IDE: variants seen among roughly 807,000 people sequenced by gnomAD.
The protein encoded by IDE is insulin degrading enzyme.
IDE carries 58 observed loss-of-function variants against 133.2 expected under a neutral mutation model. The ratio of observed to expected loss-of-function variants is 0.44; its 90% CI spans 0.35 to 0.54. The LOEUF is 0.54. Ranked by LOEUF, IDE falls within the 20% of genes least tolerant of loss-of-function variation. The pLI is 0.00. For missense variants in IDE, 981 were observed against 1,234.0 expected, an observed-to-expected ratio of 0.79 and a Z score of 3.07; for synonymous variants, 396 against 421.3, an observed-to-expected ratio of 0.94 and a Z score of 0.73.
chr10:92,530,783 T>TAATTTTTGA (rs1849881743), intron 4 of IDE, among the ~76,000 whole-genome samples: 3 of 152,230 alleles, frequency 2.0e-5, no homozygotes, highest in African/African-American at 7.2e-5. Context: ...CTTCAAAGTA[T>TAATTTTTGA]AATTTTTGAA....
At chr10:92,473,729 C>A (rs1220214123) in intron 17 of IDE, among the ~76,000 whole-genome samples, 3 of 151,930 alleles carry the variant, frequency 2.0e-5, no homozygotes, top group Non-Finnish European at 4.4e-5. Context: ...GCCTGTAATC[C>A]CAGCATGCTG....
intron 8 of IDE, 119 bp downstream of exon 8, chr10:92,507,994 T>C (rs1304796438): frequency 1.3e-6 from 1 of 745,880 alleles, no homozygotes; most frequent in Non-Finnish European, 2.3e-6. Context: ...AATGGATAAG[T>C]TGTATGAATT....
chr10:92,510,377 C>T (rs1459599237), intron 5 of IDE, among the ~76,000 whole-genome samples: 1 of 151,882 alleles, frequency 6.6e-6, no homozygotes, highest in Non-Finnish European at 1.5e-5. Context: ...AAAATTAAAA[C>T]AAATATTAGA....
At chr10:92,553,651 CA>C (rs747401930) in intron 1 of IDE, among the ~76,000 whole-genome samples, 1 of 151,956 alleles carries the variant, frequency 6.6e-6, no homozygotes, top group Non-Finnish European at 1.5e-5. Flanking sequence ...AAAAAGGAGA[CA>C]TTACAACTGA....
At chr10:92,529,194 C>A in intron 4 of IDE, among the ~76,000 whole-genome samples, 1 of 152,174 alleles carries the variant, frequency 6.6e-6, no homozygotes, top group Admixed American at 6.6e-5. Flanking sequence ...GAATTTCTGA[C>A]AAGGAACCTA....
At chr10:92,539,071 C>T (rs967261854) in intron 1 of IDE, among the ~76,000 whole-genome samples, 2 of 152,134 alleles carry the variant, frequency 1.3e-5, no homozygotes, top group Non-Finnish European at 2.9e-5. Context: ...ATCTAGTTTG[C>T]TTTCACCATT....
chr10:92,490,374 T>G, intron 12 of IDE, 119 bp downstream of exon 12: 1 of 712,512 alleles, frequency 1.4e-6, no homozygotes, highest in Non-Finnish European at 2.5e-6. Flanking sequence ...CTTAGGATGG[T>G]ACAGATAACA....
At chr10:92,527,661 C>G (rs1055663494) in intron 4 of IDE, among the ~76,000 whole-genome samples, 2 of 152,152 alleles carry the variant, frequency 1.3e-5, no homozygotes, top group African/African-American at 4.8e-5. Context: ...TATTTTACAG[C>G]TTTGTTAAAT....
intron 5 of IDE, among the ~76,000 whole-genome samples, chr10:92,510,828 G>GCACATACATATCACATATATGATATATAT (rs1848576482): frequency 4.1e-5 from 6 of 147,120 alleles, no homozygotes; most frequent in Admixed American, 3.4e-4. Flanking sequence ...ATGATATATA[G>GCACATACATATCACATATATGATATATAT]CACATACATA....
At position 92,475,048 on chromosome 10, in the gene IDE, T is replaced by C. The variant is rs1018889091; in HGVS notation, c.1996-87A>G. 4.1e-6 allele frequency: 4 copies of C among 972,942 alleles called. No individual in the cohort carries two copies. In the Admixed American group the frequency reaches 7.7e-5, roughly 19 times the overall value. The allele number at this position is 972,942 out of a possible 1,614,324, so 60.3% of individuals were successfully genotyped here. A position where few individuals can be genotyped will look rare whatever the true frequency, so the allele number is the denominator to read the frequency against. On this transcript the variant is annotated intron_variant, in intron 16 of 24. Transcript: ENST00000265986. ...CAGTTATAATCAAATTTCAATTCTC[T>C]ATAAACTGTATTACTAGGATATTCC...
At chr10:92,519,481 C>T (rs1849102695) in intron 4 of IDE, among the ~76,000 whole-genome samples, 2 of 152,162 alleles carry the variant, frequency 1.3e-5, no homozygotes. Context: ...CTACTGTGAC[C>T]CTTCCACTCT....
intron 11 of IDE, among the ~76,000 whole-genome samples, chr10:92,501,362 T>TAAAAAAA (rs55861862): frequency 1.6e-4 from 3 of 19,218 alleles, no homozygotes; most frequent in African/African-American, 2.5e-4. Flanking sequence ...ACTCTGTCAT[T>TAAAAAAA]AAAAAAAAAA....
rs77025424 is a variant in IDE at position 92,490,036 on chromosome 10, T to C, written c.1533+457A>G. ...TTTTCTGAAAATCATAATTCTCCTA[T>C]GTTGACAAAAAGAACGGTGCTATAA... is the stretch of plus-strand genomic sequence containing the variant. On this transcript the variant is annotated intron_variant, in intron 12 of 24. Coordinates refer to ENST00000265986, the MANE Select transcript of IDE (RefSeq NM_004969.4). Among the ~76,000 whole-genome samples, 20 of 152,334 alleles carry C rather than the reference T, an allele frequency of 1.3e-4. No individual in the cohort carries two copies. In the East Asian group the frequency reaches 1.9e-3, roughly 15 times the overall value.
At chr10:92,506,855 AC>A (rs1714975154) in intron 9 of IDE, among the ~76,000 whole-genome samples, 1 of 152,154 alleles carries the variant, frequency 6.6e-6, no homozygotes, top group South Asian at 2.1e-4. Flanking sequence ...GTGTGAAAGA[AC>A]CTTGTGAGAT....
chr10:92,539,430 T>C (rs1368590110), intron 1 of IDE, among the ~76,000 whole-genome samples: 1 of 152,136 alleles, frequency 6.6e-6, no homozygotes, highest in Non-Finnish European at 1.5e-5. Context: ...AGGTCACTGT[T>C]GGAAAATTCA....
rs896299375 is a variant in IDE at position 92,455,646 on chromosome 10, A to G, written c.2897-3T>C. The stretch of plus-strand genomic sequence containing the variant: ...TGGGAACTCTCCAACAACAGGACCT[A>G]TAAGAAAATAAAAGGTTTAATACTT... On this transcript the variant is annotated splice_polypyrimidine_tract_variant and splice_region_variant and intron_variant, in intron 23 of 24. Transcript: ENST00000265986. The G allele has an allele frequency of 5.1e-6, 8 of 1,558,446 alleles. No homozygotes were observed. The highest frequency in any genetic ancestry group is 7.1e-6 in the Non-Finnish European group (8 of 1,130,920).
At chr10:92,506,408 A>G in intron 10 of IDE, 34 bp downstream of exon 10, 1 of 984,816 alleles carries the variant, frequency 1.0e-6, no homozygotes. Context: ...TACTCCACAC[A>G]GCAATGTATA....
In IDE at chr10:92,510,813, CAT is replaced by C. The variant is rs550900666; in HGVS notation, c.785-653_785-652del. On this transcript the variant is annotated intron_variant, in intron 5 of 24. Transcript: ENST00000265986. ...CATGATATATAGCACATACATATCA[CAT>C]ATATGATATATAGCACATACATATC... Among the ~76,000 whole-genome samples, 21 of 149,468 alleles carry C rather than the reference CAT, an allele frequency of 1.4e-4. No individual in the cohort carries two copies. In the East Asian group the frequency reaches 2.5e-3, roughly 18 times the overall value.
intron 15 of IDE, among the ~76,000 whole-genome samples, chr10:92,477,135 C>T (rs1001266462): frequency 6.6e-6 from 1 of 151,154 alleles, no homozygotes; most frequent in Admixed American, 6.6e-5. Flanking sequence ...CTGTATGTAT[C>T]ATCAGGACCT....
Sources: allele counts gnomAD v4.1 joint callset (sites outside exome capture counted in the v4.1 genomes callset), GRCh38; gene constraint gnomAD v4.1.1; transcripts MANE v1.5; gene names NCBI Gene and HGNC (gene_info 2026-07-23, HGNC 2026-07-21).